PKHD1L1: variants seen among roughly 807,000 people sequenced by gnomAD.
The protein encoded by PKHD1L1 is fibrocystin-L.
PKHD1L1 carries 434 observed loss-of-function variants against 462.9 expected under a neutral mutation model. The ratio of observed to expected loss-of-function variants is 0.94; its 90% CI spans 0.87 to 1.02. The LOEUF is 1.02. Among genes scored for constraint, PKHD1L1 ranks in the 50% least tolerant of loss-of-function variants. PKHD1L1 has a pLI of 0.00. For missense variants in PKHD1L1, 5,202 were observed against 5,096.1 expected (o/e 1.02, Z -0.63); for synonymous variants, 1,781 against 1,750.0 (o/e 1.02, Z -0.44).
At chr8:109,407,944 T>A in intron 17 of PKHD1L1, 105 bp from the exon 18 acceptor site, 1 of 713,224 alleles carries the variant, frequency 1.4e-6, no homozygotes, top group Non-Finnish European at 1.9e-6. Context: ...TGAAACCAAT[T>A]TGGCTACATT....
At chr8:109,401,164 A>G (rs535717063) in intron 13 of PKHD1L1, among the ~76,000 whole-genome samples, 1 of 152,230 alleles carries the variant, frequency 6.6e-6, no homozygotes, top group South Asian at 2.1e-4. Flanking sequence ...GCAAAAGAAT[A>G]TTTTATTTGT....
Position 109,464,745 on chromosome 8 carries a change from GTACATC to G in PKHD1L1, c.7918_7923del (p.Ser2640_Thr2641del). On this transcript the variant is annotated inframe_deletion, in exon 49 of 78. Transcript: ENST00000378402. Reference sequence around the variant, plus strand: ...TATTTCCCCATGCAAACGGGATCTTGTACATCTACAGTGCCTGCACCTGCAATATTT... The same window carrying G: ...TATTTCCCCATGCAAACGGGATCTTGTACAGTGCCTGCACCTGCAATATTT... 6.2e-7 allele frequency: 1 copy of G among 1,613,840 alleles called. No individual in the cohort carries two copies. Among genetic ancestry groups the G allele is most frequent in the Non-Finnish European group, 8.5e-7 (1 of 1,179,816 alleles).
chr8:109,402,282 ACCT>A (rs1813311186), intron 14 of PKHD1L1, among the ~76,000 whole-genome samples: 2 of 152,190 alleles, frequency 1.3e-5, no homozygotes, highest in Admixed American at 1.3e-4. Context: ...ATAACAAAGC[ACCT>A]CAGACTGTAG....
At position 109,471,032 on chromosome 8, in the gene PKHD1L1, C is replaced by G. The variant is rs182388353; in HGVS notation, c.8606-4086C>G. ...AGTTGGGTCACCACTTAAGTCAATA[C>G]AGGCCACATTAACACCTTCTGCGAT... On this transcript the variant is annotated intron_variant, in intron 50 of 77. Transcript: ENST00000378402. The G allele has an allele frequency of 1.4e-4, 220 of 1,605,068 alleles. 1 individual carries two copies. Among genetic ancestry groups the G allele is most frequent in the Admixed American group, 9.2e-4 (55 of 59,920 alleles).
chr8:109,383,364 ATATAT>A lies in PKHD1L1; in HGVS notation c.418-700_418-696del, dbSNP rs1485214166. Among the ~76,000 whole-genome samples, 257 of 113,750 alleles carry A rather than the reference ATATAT, an allele frequency of 2.3e-3. 3 individuals carry two copies. Among genetic ancestry groups the A allele is most frequent in the African/African-American group, 8.0e-3 (228 of 28,514 alleles). The allele number at this position is 113,750 out of a possible 152,430, so 74.6% of individuals were successfully genotyped here. A position where few individuals can be genotyped will look rare whatever the true frequency, so the allele number is the denominator to read the frequency against. On this transcript the variant is annotated intron_variant, in intron 4 of 77. Coordinates refer to ENST00000378402, the MANE Select transcript of PKHD1L1 (RefSeq NM_177531.6). ...TATATATTTTATATTATATATTATA[ATATAT>A]TATATAGTATGTATATTATATATTA...
rs755558387 is a variant in PKHD1L1, at chr8:109,443,722, A to G, written c.4611A>G (p.Leu1537=). 6.2e-7 allele frequency: 1 copy of G among 1,613,604 alleles called. No homozygotes were observed. Among genetic ancestry groups the G allele is most frequent in the Non-Finnish European group, 8.5e-7 (1 of 1,179,696 alleles). Residue 1537 remains leucine (L), a synonymous_variant, in exon 37 of 78, where the codon CTA becomes CTG. Transcript: ENST00000378402. ...TGGGAAGCTCTGTGGCAGGCTGCCT[A>G]GCAACAGAACCCCTGTGCAGCCTGA... The part of the protein sequence containing the change: ...LHLGSSVAGC[L]ATEPLCSLNN...
chr8:109,406,759 A>G lies in PKHD1L1; in HGVS notation c.1813+281A>G, dbSNP rs1813571872. Among the ~76,000 whole-genome samples the G allele has an allele frequency of 2.6e-5, 4 of 152,140 alleles. No individual in the cohort carries two copies. The South Asian group carries it at 8.3e-4, about 32-fold the overall frequency. On this transcript the variant is annotated intron_variant, in intron 17 of 77. Coordinates refer to ENST00000378402, the MANE Select transcript of PKHD1L1 (RefSeq NM_177531.6). ...AGTGAAAATATTCATTCTGAAAATAAAATTTAGGCAAATCACTATTGTCCA... is the reference window on the plus strand; with the variant it reads ...AGTGAAAATATTCATTCTGAAAATAGAATTTAGGCAAATCACTATTGTCCA...
rs1157596727 is a variant in PKHD1L1 at position 109,448,392 on chromosome 8, G to A, written c.6025+1G>A. The A allele has an allele frequency of 1.0e-5, 16 of 1,602,736 alleles. No individual in the cohort carries two copies. Among genetic ancestry groups the A allele is most frequent in the Non-Finnish European group, 1.3e-5 (15 of 1,173,404 alleles). ...ATTCAAAATATTAATCCAAGCCAAG[G>A]TAGTCATAAGTATGCAAGAACCTGC... On this transcript the variant is annotated splice_donor_variant, in intron 39 of 77. Transcript: ENST00000378402. LOFTEE classifies it high-confidence loss of function.
intron 65 of PKHD1L1, among the ~76,000 whole-genome samples, chr8:109,497,706 G>A (rs542092889): frequency 1.2e-4 from 18 of 152,186 alleles, no homozygotes; most frequent in Admixed American, 6.5e-4. Flanking sequence ...GATTACAGGC[G>A]TGAGCCACCG....
Position 109,449,411 on chromosome 8 carries a change from T to C in PKHD1L1, c.6099T>C (p.Val2033=), listed in dbSNP as rs1347162263. Reference sequence around the variant, plus strand: ...ATCCACAAAATTCAATTATATTAGTTTGTGGCTCAGAATGTGCAATTGACA... The same window carrying C: ...ATCCACAAAATTCAATTATATTAGTCTGTGGCTCAGAATGTGCAATTGACA... ...GFNPQNSIIL[V]CGSECAIDRL... Residue 2033 remains valine, a synonymous_variant, in exon 40 of 78, where the codon GTT becomes GTC. Coordinates refer to ENST00000378402, the MANE Select transcript of PKHD1L1 (RefSeq NM_177531.6). 2 of 1,593,270 alleles carry C rather than the reference T, an allele frequency of 1.3e-6. No individual in the cohort carries two copies. The highest frequency in any genetic ancestry group is 4.5e-5 in the East Asian group (2 of 44,352).
In PKHD1L1 at chr8:109,450,479, T is replaced by A. The variant is rs138986618; in HGVS notation, c.6176-496T>A. Among the ~76,000 whole-genome samples the A allele has an allele frequency of 2.4e-3, 370 of 151,438 alleles. 1 individual carries two copies. The highest frequency in any genetic ancestry group is 6.8e-3 in the Middle Eastern group (2 of 292). ...CAGAGTTTGAATCCTGATTAAAAAATATATATATATATAGCAATGCTTTGA... is the reference window on the plus strand; with the variant it reads ...CAGAGTTTGAATCCTGATTAAAAAAAATATATATATATAGCAATGCTTTGA... On this transcript the variant is annotated intron_variant, in intron 40 of 77. Coordinates refer to ENST00000378402, the MANE Select transcript of PKHD1L1 (RefSeq NM_177531.6).
intron 59 of PKHD1L1, among the ~76,000 whole-genome samples, chr8:109,488,334 T>C (rs1313734167): frequency 6.6e-6 from 1 of 152,052 alleles, no homozygotes; most frequent in Non-Finnish European, 1.5e-5. Flanking sequence ...TCAAATCCAT[T>C]GTGATTGTTA....
At chr8:109,412,552 C>T (rs1437642376) in intron 20 of PKHD1L1, 138 bp downstream of exon 20, 1 of 872,316 alleles carries the variant, frequency 1.1e-6, no homozygotes, top group Non-Finnish European at 1.7e-6. Context: ...AGTGTACATT[C>T]TGGGTGCTTG....
Position 109,464,620 on chromosome 8 carries a change from C to T in PKHD1L1, c.7788C>T (p.Ser2596=). The T allele has an allele frequency of 6.2e-7, 1 of 1,612,508 alleles. No individual in the cohort carries two copies. The highest frequency in any genetic ancestry group is 8.5e-7 in the Non-Finnish European group (1 of 1,179,784). Residue 2596 remains serine, a synonymous_variant, in exon 49 of 78, where the codon TCC becomes TCT. Coordinates refer to ENST00000378402, the MANE Select transcript of PKHD1L1 (RefSeq NM_177531.6). The stretch of plus-strand genomic sequence containing the variant: ...TGAACAACCACCCTGATGGGCCATC[C>T]TATGACAGAAACATTTGTCAAAAAA... ...YRMNNHPDGP[S]YDRNICQKRV... is the part of the protein sequence containing the mutation.
At chr8:109,423,669 G>C (rs1163159189) in intron 23 of PKHD1L1, among the ~76,000 whole-genome samples, 4 of 152,082 alleles carry the variant, frequency 2.6e-5, no homozygotes, top group African/African-American at 9.7e-5. Flanking sequence ...AAACCTTGCT[G>C]GTATTTTGAC....
rs766233314 is a variant in PKHD1L1 at position 109,465,075 on chromosome 8, G to A, written c.8243G>A (p.Arg2748His). ...TCTGTGCACTTTATGAACTTTGACC[G>A]TCCCAACTGTGTAGCTTTGGGAGTG... ...VSSVHFMNFD[R>H]PNCVALGVTS... Residue 2748 changes from arginine (R) to histidine (H), a missense_variant, in exon 49 of 78, where the codon CGT (arginine) becomes CAT (histidine). This residue lies in a region of PKHD1L1 where 4,497 missense variants were observed against 4,336.8 expected (regional missense o/e 1.04). Transcript: ENST00000378402. 93 of 1,613,686 alleles carry A rather than the reference G, an allele frequency of 5.8e-5. No homozygotes were observed. Among genetic ancestry groups the A allele is most frequent in the Middle Eastern group, 3.3e-4 (2 of 6,082 alleles).
At chr8:109,461,437 G>A (rs574608056) in intron 47 of PKHD1L1, among the ~76,000 whole-genome samples, 3 of 152,204 alleles carry the variant, frequency 2.0e-5, no homozygotes, top group Non-Finnish European at 4.4e-5. Flanking sequence ...ATATAAAATT[G>A]CATTGATTAT....
At chr8:109,407,817 C>A (rs1813637564) in intron 17 of PKHD1L1, among the ~76,000 whole-genome samples, 1 of 152,072 alleles carries the variant, frequency 6.6e-6, no homozygotes, top group Non-Finnish European at 1.5e-5. Flanking sequence ...AGAAACAGCA[C>A]CTTAAATATA....
intron 9 of PKHD1L1, among the ~76,000 whole-genome samples, chr8:109,393,282 G>A (rs1812797399): frequency 6.6e-6 from 1 of 151,884 alleles, no homozygotes; most frequent in African/African-American, 2.4e-5. Flanking sequence ...TGGTCTCGGT[G>A]ACAAGATTTA....
Sources: allele counts gnomAD v4.1 joint callset (sites outside exome capture counted in the v4.1 genomes callset), GRCh38; gene constraint gnomAD v4.1.1; regional missense constraint gnomAD v4.1.1; transcripts MANE v1.5; gene names NCBI Gene and HGNC (gene_info 2026-07-23, HGNC 2026-07-21).